LBR: variants seen among roughly 807,000 people sequenced by gnomAD.
LBR encodes the protein lamin B receptor.
A neutral mutation model predicts 74.3 loss-of-function variants in LBR; 28 were observed. That is an observed-to-expected ratio of 0.38 (90% CI 0.28 to 0.52). The LOEUF is 0.52. Ranked by LOEUF, LBR falls within the 20% of genes least tolerant of loss-of-function variation. The probability of loss-of-function intolerance (pLI) is 0.89; values close to 1 mark genes in which losing one functional copy is unlikely to be tolerated. For missense variants in LBR, 717 were observed against 760.3 expected (o/e 0.94, Z 0.67); for synonymous variants, 228 against 269.3 (o/e 0.85, Z 1.50).
At chr1:225,408,941 T>C (rs2096098513) in intron 10 of LBR, among the ~76,000 whole-genome samples, 1 of 152,082 alleles carries the variant, frequency 6.6e-6, no homozygotes, top group African/African-American at 2.4e-5. Flanking sequence ...CACTGATCAG[T>C]GGAAAGCTAC....
At chr1:225,424,157 G>C (rs572345519) in intron 1 of LBR, 68 bp from the exon 2 acceptor site, 1 of 1,176,532 alleles carries the variant, frequency 8.5e-7, no homozygotes, top group African/African-American at 1.5e-5. Context: ...TTTTTCCACA[G>C]GCTGATCACT....
At chr1:225,406,339 A>T (rs1245894185) in intron 11 of LBR, among the ~76,000 whole-genome samples, 1 of 152,182 alleles carries the variant, frequency 6.6e-6, no homozygotes, top group Non-Finnish European at 1.5e-5. Flanking sequence ...AAATCTTCTT[A>T]CTTTATAAGA....
intron 2 of LBR, among the ~76,000 whole-genome samples, chr1:225,422,802 A>C (rs2096130438): frequency 6.6e-6 from 1 of 152,236 alleles, no homozygotes; most frequent in Admixed American, 6.5e-5. Flanking sequence ...CCCCAGGCCA[A>C]GTCCCTCACC....
rs373561199 is a variant in LBR at position 225,404,656 on chromosome 1, G to A, written c.1534C>T (p.Arg512Trp). 14 of 1,611,374 alleles carry A rather than the reference G, an allele frequency of 8.7e-6. No homozygotes were observed. The highest frequency in any genetic ancestry group is 1.3e-5 in the African/African-American group (1 of 74,768). Residue 512 changes from arginine to tryptophan, a missense_variant, in exon 12 of 14, where the codon CGG (arginine) becomes TGG (tryptophan). Transcript: ENST00000272163. ...RGANSQKNAFRKNPSDPKLAH... is the reference protein window; with the variant it reads ...RGANSQKNAFWKNPSDPKLAH... ...AGCTTTGGATCACTGGGATTTTTCC[G>A]GAATGCATTTTTCTGAGAATTTGCA...
chr1:225,412,309 G>A (rs906439089), intron 8 of LBR, 145 bp downstream of exon 8: 23 of 737,804 alleles, frequency 3.1e-5, no homozygotes, highest in East Asian at 1.3e-4. Flanking sequence ...TCTCTTTAAC[G>A]TTTTTCTTCA....
chr1:225,410,879 T>C (rs1173465431), intron 9 of LBR, among the ~76,000 whole-genome samples: 1 of 152,202 alleles, frequency 6.6e-6, no homozygotes, highest in Non-Finnish European at 1.5e-5. Flanking sequence ...CCTGTGGACT[T>C]GGTAACCAAT....
chr1:225,418,885 G>A (rs1012168763), intron 5 of LBR, among the ~76,000 whole-genome samples: 13 of 152,194 alleles, frequency 8.5e-5, no homozygotes, highest in Non-Finnish European at 1.2e-4. Context: ...GCCCACTGCT[G>A]GCCCCTGCCG....
At chr1:225,413,542 G>A (rs1172233586) in intron 7 of LBR, among the ~76,000 whole-genome samples, 4 of 152,296 alleles carry the variant, frequency 2.6e-5, no homozygotes, top group South Asian at 4.1e-4. Flanking sequence ...CAAACCTTTT[G>A]TAAAGTAAAA....
At chr1:225,406,210 TTCTC>T (rs541212820) in intron 11 of LBR, among the ~76,000 whole-genome samples, 175 of 152,256 alleles carry the variant, frequency 1.1e-3, no homozygotes, top group Non-Finnish European at 1.9e-3. Context: ...CAGAGAGAAG[TTCTC>T]TCTATCTTTA....
upstream of LBR, chr1:225,428,073 A>G (rs999497826): frequency 1.3e-5 from 2 of 151,696 alleles, no homozygotes; most frequent in African/African-American, 4.8e-5. Flanking sequence ...CAGTCCCGCA[A>G]GCCGGGCGCG....
intron 7 of LBR, chr1:225,414,118 A>C (rs2096112191): frequency 2.2e-6 from 1 of 456,650 alleles, no homozygotes; most frequent in Non-Finnish European, 4.4e-6. Context: ...CCATCAGCAA[A>C]GAATTTGGTA....
intron 7 of LBR, 119 bp from the exon 8 acceptor site, chr1:225,412,764 G>A: frequency 3.4e-6 from 3 of 888,454 alleles, no homozygotes; most frequent in Non-Finnish European, 5.2e-6. Context: ...TCATTATTCA[G>A]ACTAAATACA....
At chr1:225,426,748 C>G (rs2096139877) in intron 1 of LBR, among the ~76,000 whole-genome samples, 1 of 152,202 alleles carries the variant, frequency 6.6e-6, no homozygotes, top group African/African-American at 2.4e-5. Flanking sequence ...CAAACAGGAA[C>G]CCCGGGCCTT....
At chr1:225,414,162 A>C in intron 7 of LBR, 1 of 456,652 alleles carries the variant, frequency 2.2e-6, no homozygotes, top group Non-Finnish European at 4.4e-6. Context: ...ACCAATGATA[A>C]GTATTAAGCA....
intron 2 of LBR, among the ~76,000 whole-genome samples, chr1:225,423,251 T>C (rs995187336): frequency 4.6e-5 from 7 of 152,228 alleles, no homozygotes; most frequent in Non-Finnish European, 5.9e-5. Context: ...GCATTTTATA[T>C]AAATGTTTGT....
At chr1:225,421,219 C>T (rs991470114) in intron 3 of LBR, among the ~76,000 whole-genome samples, 3 of 152,236 alleles carry the variant, frequency 2.0e-5, no homozygotes, top group Non-Finnish European at 4.4e-5. Context: ...TGTTGCCGGG[C>T]GCAGTGGCTC....
intron 6 of LBR, chr1:225,417,733 C>T (rs2096120259): frequency 2.8e-6 from 1 of 352,716 alleles, no homozygotes; most frequent in Non-Finnish European, 5.2e-6. Context: ...TAAGTTCCTC[C>T]TAATAAGCAA....
In LBR at chr1:225,419,770, T is replaced by C. The variant is rs775733565; in HGVS notation, c.395A>G (p.Tyr132Cys). The part of the protein sequence containing the change: ...LKPFGNSISR[Y>C]NGEPEHIERN... ...CTCAATATGCTCAGGCTCCCCATTA[T>C]ATCTGCTGATGCTATTTCCAAATGG... The change falls in exon 4 of 14, where the codon TAT becomes TGT. Residue 132 changes from tyrosine to cysteine, a missense_variant. Tyr to Cys is a radical substitution (Grantham distance 194, BLOSUM62 -2). Transcript: ENST00000272163. 2.5e-6 allele frequency: 4 copies of C among 1,612,126 alleles called. No individual in the cohort carries two copies. Among genetic ancestry groups the C allele is most frequent in the South Asian group, 1.1e-5 (1 of 90,998 alleles).
chr1:225,406,903 T>C, intron 10 of LBR, 71 bp from the exon 11 acceptor site: 1 of 1,469,788 alleles, frequency 6.8e-7, no homozygotes. Context: ...AGTACTAGTT[T>C]ACAGGCAAAT....
Sources: gnomAD v4.1 joint callset for allele counts (sites outside exome capture counted in the v4.1 genomes callset) on GRCh38, gnomAD v4.1.1 for gene constraint, MANE v1.5 for transcripts, NCBI Gene and HGNC (gene_info 2026-07-23, HGNC 2026-07-21) for gene names.